Variants in RAB27A observed in about 807,000 individuals in gnomAD.
RAB27A encodes ras-related protein Rab-27A.
A neutral mutation model predicts 20.8 loss-of-function variants in RAB27A; 17 were observed. The observed-to-expected ratio is 0.82, with a 90% confidence interval of 0.56 to 1.23. The LOEUF is 1.23. Among genes scored for constraint, RAB27A ranks in the 50% most tolerant of loss-of-function variants. The pLI is 0.00. For missense variants in RAB27A, 277 were observed against 266.7 expected (o/e 1.04, Z -0.27); for synonymous variants, 85 against 92.8 (o/e 0.92, Z 0.48).
chr15:55,303,287 C>T (rs2054982253), intron 2 of RAB27A, among the ~76,000 whole-genome samples: 4 of 112,940 alleles, frequency 3.5e-5, no homozygotes, highest in Non-Finnish European at 7.2e-5. Flanking sequence ...CCTGGCCAGC[C>T]GCCCCGTCCG....
chr15:55,316,234 CAAAAAA>C (rs1186678422), intron 1 of RAB27A, among the ~76,000 whole-genome samples: 3 of 53,928 alleles, frequency 5.6e-5, no homozygotes, highest in African/African-American at 1.2e-4. Context: ...GACTCCGTCT[CAAAAAA>C]AAAAAAAAAA....
intron 2 of RAB27A, among the ~76,000 whole-genome samples, chr15:55,249,731 G>T (rs535104760): frequency 2.6e-5 from 4 of 152,074 alleles, no homozygotes; most frequent in Non-Finnish European, 5.9e-5. Context: ...TACTTCATCT[G>T]TTTCTAAGAA....
intron 6 of RAB27A, 65 bp from the exon 7 acceptor site, chr15:55,205,770 A>G (rs1354579517): frequency 5.1e-6 from 7 of 1,360,452 alleles, no homozygotes; most frequent in Non-Finnish European, 7.4e-6. Flanking sequence ...TTTGCTCTTG[A>G]TAATTCAAAT....
intron 2 of RAB27A, among the ~76,000 whole-genome samples, chr15:55,243,432 A>T (rs548820165): frequency 1.3e-5 from 2 of 152,044 alleles, no homozygotes; most frequent in African/African-American, 4.8e-5. Flanking sequence ...AGGAGGGTGG[A>T]TCACCTGAAG....
intron 1 of RAB27A, among the ~76,000 whole-genome samples, chr15:55,287,241 G>A (rs544881657): frequency 1.3e-5 from 2 of 152,166 alleles, no homozygotes; most frequent in African/African-American, 2.4e-5. Flanking sequence ...TTAATGTGGG[G>A]TATAAGAGAA....
In RAB27A at chr15:55,205,503, C is replaced by T. The variant is rs990545062; in HGVS notation, c.*4G>A. 1.9e-6 allele frequency: 3 copies of T among 1,613,980 alleles called. No homozygotes were observed. The highest frequency in any genetic ancestry group is 3.3e-5 in the Admixed American group (2 of 60,026). On this transcript the variant is annotated 3_prime_UTR_variant, in exon 7 of 7. Transcript: ENST00000336787. The stretch of plus-strand genomic sequence containing the variant: ...CTGAACTACTATGTCGCTTACTTGA[C>T]TTCTCAACAGCCACATGCCCCTTTC...
At chr15:55,212,532 C>CTTTTTTT (rs59221045) in intron 6 of RAB27A, among the ~76,000 whole-genome samples, 2 of 134,046 alleles carry the variant, frequency 1.5e-5, no homozygotes, top group African/African-American at 2.9e-5. Flanking sequence ...AGCAACAAAT[C>CTTTTTTT]TTTTTTTTTT....
chr15:55,317,724 A>T (rs1233932943), intron 1 of RAB27A: 1 of 398,506 alleles, frequency 2.5e-6, no homozygotes, highest in African/African-American at 2.1e-5. Context: ...GTTGAAAAAT[A>T]TATACTCCTC....
chr15:55,228,654 CA>C lies in RAB27A; in HGVS notation c.297del (p.Phe99LeufsTer3). 6.2e-7 allele frequency: 1 copy of C among 1,613,694 alleles called. No individual in the cohort carries two copies. Among genetic ancestry groups the C allele is most frequent in the Non-Finnish European group, 8.5e-7 (1 of 1,179,672 alleles). Reference sequence around the variant, plus strand: ...AGGAAACTTTGCTCATTTGTCAGATCAAAAAGTAGAAGAAAACCCATAGCAT... The same window carrying C: ...AGGAAACTTTGCTCATTTGTCAGATCAAAAGTAGAAGAAAACCCATAGCAT... ...FRDAMGFLLL[F>X]DLTNEQSFLN... On this transcript the variant is annotated frameshift_variant, in exon 5 of 7. Coordinates refer to ENST00000336787, the MANE Select transcript of RAB27A (RefSeq NM_183235.3). LOFTEE classifies it high-confidence loss of function.
At chr15:55,306,213 GA>G (rs1403071928) in intron 2 of RAB27A, among the ~76,000 whole-genome samples, 2 of 152,170 alleles carry the variant, frequency 1.3e-5, no homozygotes. Flanking sequence ...TTCCAGATTG[GA>G]AACAAGAGGT....
intron 1 of RAB27A, among the ~76,000 whole-genome samples, chr15:55,283,951 G>A (rs1370535342): frequency 6.6e-6 from 1 of 152,156 alleles, no homozygotes; most frequent in Admixed American, 6.5e-5. Flanking sequence ...CCCAGGTGGT[G>A]GGATCAGGCC....
intron 2 of RAB27A, 194 bp downstream of exon 2, chr15:55,269,971 C>T (rs1270925007): frequency 6.6e-6 from 1 of 152,156 alleles, no homozygotes; most frequent in Non-Finnish European, 1.5e-5. Flanking sequence ...TTCATACCCA[C>T]TCCGTGGTCA....
chr15:55,220,154 G>C (rs1351178863), intron 6 of RAB27A, among the ~76,000 whole-genome samples: 1 of 152,016 alleles, frequency 6.6e-6, no homozygotes, highest in African/African-American at 2.4e-5. Flanking sequence ...TCTTTATTAG[G>C]CTTACAAAGT....
At chr15:55,311,734 G>C (rs972907956) in intron 2 of RAB27A, among the ~76,000 whole-genome samples, 1 of 152,142 alleles carries the variant, frequency 6.6e-6, no homozygotes, top group Non-Finnish European at 1.5e-5. Flanking sequence ...TGGCCAGGTG[G>C]TACTGCAGAA....
intron 1 of RAB27A, chr15:55,317,953 A>T (rs55661134): frequency 0.22 from 83,539 of 376,246 alleles, 10,887 homozygotes; most frequent in East Asian, 0.51. Context: ...ACTGGAGTGA[A>T]CAATATTTTT....
At chr15:55,260,562 T>C (rs948375441) in intron 2 of RAB27A, among the ~76,000 whole-genome samples, 4 of 152,194 alleles carry the variant, frequency 2.6e-5, no homozygotes, top group African/African-American at 9.7e-5. Context: ...GATGAATGGA[T>C]AAATAAACTG....
chr15:55,254,979 C>A (rs1218854532), intron 2 of RAB27A, among the ~76,000 whole-genome samples: 2 of 152,158 alleles, frequency 1.3e-5, no homozygotes, highest in African/African-American at 4.8e-5. Flanking sequence ...CACAAAAATA[C>A]GTTAAAGGAG....
At chr15:55,210,999 A>G (rs1895000033) in intron 6 of RAB27A, among the ~76,000 whole-genome samples, 2 of 152,292 alleles carry the variant, frequency 1.3e-5, no homozygotes, top group Middle Eastern at 3.4e-3. Flanking sequence ...TAGTTTTCCC[A>G]GCATCATTTA....
chr15:55,265,178 G>T (rs1439978374), intron 2 of RAB27A, among the ~76,000 whole-genome samples: 1 of 152,152 alleles, frequency 6.6e-6, no homozygotes, highest in Non-Finnish European at 1.5e-5. Context: ...GGAGGCGGAG[G>T]TTGCAGCCAG....
Sources: allele counts gnomAD v4.1 joint callset (sites outside exome capture counted in the v4.1 genomes callset), GRCh38; gene constraint gnomAD v4.1.1; transcripts MANE v1.5; gene names NCBI Gene and HGNC (gene_info 2026-07-23, HGNC 2026-07-21).